Variants in ETFA observed in about 807,000 individuals in gnomAD.
ETFA encodes electron transfer flavoprotein subunit alpha, mitochondrial.
ETFA carries 22 observed loss-of-function variants against 46.2 expected under a neutral mutation model. The observed-to-expected ratio is 0.48, with a 90% CI of 0.34 to 0.68. The LOEUF (loss-of-function observed/expected upper bound fraction) is 0.68, where lower values mean the gene tolerates loss of function less well. Among genes scored for constraint, ETFA ranks in the 30% least tolerant of loss-of-function variants. The pLI is 0.01. For missense variants in ETFA, 345 were observed against 401.1 expected, an observed-to-expected ratio of 0.86 and a Z score of 1.19; for synonymous variants, 131 against 139.9, an observed-to-expected ratio of 0.94 and a Z score of 0.45.
In ETFA at chr15:76,216,411, A is replaced by T; in HGVS notation, c.*148T>A. 1 of 616,604 alleles carries T rather than the reference A, an allele frequency of 1.6e-6. No individual in the cohort carries two copies. The highest frequency in any genetic ancestry group is 2.9e-6 in the Non-Finnish European group (1 of 345,320). 38.2% of individuals were successfully genotyped at this position (616,604 alleles called of 1,614,324 possible). ...AAGGAAACACAGCAATCCCATAAAC[A>T]AGCATTCTGGCATCTGTTAGAAATT... On this transcript the variant is annotated 3_prime_UTR_variant, in exon 12 of 12. Transcript: ENST00000557943.
chr15:76,292,373 A>G (rs1201948850), intron 4 of ETFA, 58 bp downstream of exon 4: 16 of 1,162,112 alleles, frequency 1.4e-5, no homozygotes, highest in African/African-American at 3.0e-5. Context: ...CTTTCAGCAC[A>G]ATGAAATCTA....
intron 11 of ETFA, among the ~76,000 whole-genome samples, chr15:76,217,418 C>CA (rs1360797644): frequency 6.6e-6 from 1 of 152,238 alleles, no homozygotes; most frequent in East Asian, 1.9e-4. Context: ...CTACTATCAT[C>CA]TGGCACACAG....
chr15:76,274,055 T>C (rs749592168), intron 9 of ETFA: 41 of 237,624 alleles, frequency 1.7e-4, no homozygotes, highest in African/African-American at 8.8e-4. Context: ...ATTGTTCTCA[T>C]TGATTTTATA....
intron 9 of ETFA, among the ~76,000 whole-genome samples, chr15:76,234,293 T>TA (rs2039100650): frequency 1.3e-5 from 2 of 152,130 alleles, no homozygotes. Context: ...CCCTCCTTTT[T>TA]AAAAAACATG....
Position 76,295,640 on chromosome 15 carries a change from C to A in ETFA, c.137G>T (p.Arg46Leu), listed in dbSNP as rs865839624. 1 of 1,613,448 alleles carries A rather than the reference C, an allele frequency of 6.2e-7. No homozygotes were observed. Among genetic ancestry groups the A allele is most frequent in the African/African-American group, 1.3e-5 (1 of 74,810 alleles). The change falls in exon 2 of 12, where the codon CGC becomes CTC. Residue 46 changes from arginine (R) to leucine (L), a missense_variant. Coordinates refer to ENST00000557943, the MANE Select transcript of ETFA (RefSeq NM_000126.4). ...TAAGCAGGACACTTCACCTCCAAGG[C>A]GTGTGGCTGCAGTAATGGTATTTAA... The part of the protein sequence containing the change: ...ITLNTITAAT[R>L]LGGEVSCLVA...
intron 10 of ETFA, chr15:76,228,158 G>C (rs1351345116): frequency 1.1e-5 from 4 of 364,560 alleles, no homozygotes; most frequent in Non-Finnish European, 2.1e-5. Context: ...TCATCCGAAA[G>C]CTTTTTCATT....
At chr15:76,226,991 C>T (rs540060347) in intron 10 of ETFA, among the ~76,000 whole-genome samples, 48 of 152,176 alleles carry the variant, frequency 3.2e-4, no homozygotes, top group Admixed American at 5.9e-4. Flanking sequence ...TAGTAAGGGA[C>T]GTTAAACAGC....
At position 76,222,991 on chromosome 15, in the gene ETFA, G is replaced by T. The variant is rs538308068; in HGVS notation, c.963+2858C>A. Among the ~76,000 whole-genome samples the T allele has an allele frequency of 3.3e-5, 5 of 151,710 alleles. No homozygotes were observed. The South Asian group carries it at 1.0e-3, about 32-fold the overall frequency. On this transcript the variant is annotated intron_variant, in intron 11 of 11. Coordinates refer to ENST00000557943, the MANE Select transcript of ETFA (RefSeq NM_000126.4). ...CTGGGACCACAGGCACACGTCACCA[G>T]ACCCAGCTAATTTTTGTATTTTTTG...
intron 1 of ETFA, among the ~76,000 whole-genome samples, chr15:76,301,922 G>A (rs901387787): frequency 3.9e-5 from 6 of 152,164 alleles, no homozygotes; most frequent in Non-Finnish European, 5.9e-5. Context: ...AGATGGCCAA[G>A]AAGCATATGA....
At chr15:76,260,709 T>C (rs77148253) in intron 9 of ETFA, 328,886 of 1,578,078 alleles carry the variant, frequency 0.21, 76 homozygotes, top group Non-Finnish European at 0.24. Flanking sequence ...TGAATCTGTG[T>C]GGATGGCATG....
At chr15:76,284,486 A>T (rs1421017059) in intron 7 of ETFA, 6 of 196,796 alleles carry the variant, frequency 3.0e-5, no homozygotes, top group Non-Finnish European at 5.0e-5. Context: ...TATTATTTTT[A>T]TTTATTTATT....
At chr15:76,292,154 C>T (rs1164236120) in intron 4 of ETFA, among the ~76,000 whole-genome samples, 1 of 152,154 alleles carries the variant, frequency 6.6e-6, no homozygotes, top group African/African-American at 2.4e-5. Context: ...CTCTCTCTCA[C>T]ATGCAAGCAG....
At chr15:76,284,685 T>G (rs1596218091) in intron 7 of ETFA, 2 of 160,868 alleles carry the variant, frequency 1.2e-5, no homozygotes, top group Middle Eastern at 3.1e-3. Flanking sequence ...AGAGACGGGG[T>G]TTCACTATGT....
At chr15:76,278,431 T>C (rs1382899581) in intron 8 of ETFA, among the ~76,000 whole-genome samples, 1 of 152,210 alleles carries the variant, frequency 6.6e-6, no homozygotes, top group African/African-American at 2.4e-5. Flanking sequence ...AACTTCCTTG[T>C]TCTCCTCTTA....
rs755675721 is a variant in ETFA, at chr15:76,226,880, A to AAAAT, written c.883-955_883-952dup. Among the ~76,000 whole-genome samples the AAAAT allele has an allele frequency of 3.1e-4, 47 of 152,254 alleles. No individual in the cohort carries two copies. The East Asian group carries it at 7.7e-3, about 25-fold the overall frequency. On this transcript the variant is annotated intron_variant, in intron 10 of 11. Coordinates refer to ENST00000557943, the MANE Select transcript of ETFA (RefSeq NM_000126.4). Reference sequence around the variant, plus strand: ...GGCGACAGAGTGAGACTCCGTCTCAAAAATAAATAAATAAATAAAATAAAA... The same window carrying AAAAT: ...GGCGACAGAGTGAGACTCCGTCTCAAAAATAAATAAATAAATAAATAAAATAAAA...
intron 9 of ETFA, among the ~76,000 whole-genome samples, chr15:76,271,181 A>G (rs1377605130): frequency 6.6e-6 from 1 of 152,152 alleles, no homozygotes; most frequent in Non-Finnish European, 1.5e-5. Flanking sequence ...AAAAAAAAAA[A>G]AAAAAAAAAG....
At chr15:76,270,153 A>C (rs1047960564) in intron 9 of ETFA, among the ~76,000 whole-genome samples, 20 of 152,198 alleles carry the variant, frequency 1.3e-4, no homozygotes, top group Non-Finnish European at 1.5e-5. Context: ...CCACCTTGGG[A>C]AAAAGCTACC....
rs948252927 is a variant in ETFA, at chr15:76,287,964, G to A, written c.352-19C>T. 5 of 1,511,386 alleles carry A rather than the reference G, an allele frequency of 3.3e-6. No individual in the cohort carries two copies. In the African/African-American group the frequency reaches 4.1e-5, roughly 12 times the overall value. 93.6% of individuals were successfully genotyped at this position (1,511,386 alleles called of 1,614,324 possible). On this transcript the variant is annotated intron_variant, in intron 4 of 11. Transcript: ENST00000557943. Reference sequence around the variant, plus strand: ...AAAGGTTCTAAAAGCAAAATAAGCAGTGAGTTAACACACATACATAGTGAT... The same window carrying A: ...AAAGGTTCTAAAAGCAAAATAAGCAATGAGTTAACACACATACATAGTGAT...
intron 11 of ETFA, among the ~76,000 whole-genome samples, chr15:76,219,939 A>C (rs2142103549): frequency 6.6e-6 from 1 of 152,380 alleles, no homozygotes; most frequent in Non-Finnish European, 1.5e-5. Flanking sequence ...CAAAAAGCTA[A>C]ACACAGAATT....
Sources: allele counts gnomAD v4.1 joint callset (sites outside exome capture counted in the v4.1 genomes callset), GRCh38; gene constraint gnomAD v4.1.1; transcripts MANE v1.5; gene names NCBI Gene and HGNC (gene_info 2026-07-23, HGNC 2026-07-21).